Variants in GRM8 observed in about 807,000 individuals in gnomAD.
GRM8 encodes the protein glutamate metabotropic receptor 8.
Under a neutral mutation model 87.2 loss-of-function variants are expected in GRM8, and 47 were observed. The observed-to-expected ratio is 0.54, with a 90% CI of 0.43 to 0.69. The LOEUF is 0.69. GRM8 is among the 30% of genes least tolerant of loss of function. The probability of loss-of-function intolerance (pLI) is 0.00; values close to 1 mark genes in which losing one functional copy is unlikely to be tolerated. For synonymous variants in GRM8, 396 were observed against 404.5 expected (o/e 0.98, Z 0.25); for missense variants, 1,019 against 1,139.2 (o/e 0.89, Z 1.52).
intron 8 of GRM8, among the ~76,000 whole-genome samples, chr7:126,586,052 G>C (rs1796089208): frequency 6.6e-6 from 1 of 152,030 alleles, no homozygotes; most frequent in African/African-American, 2.4e-5. Flanking sequence ...CAAACAGAGA[G>C]CCAAATCATG....
chr7:126,754,961 A>T (rs1452499108), intron 7 of GRM8, among the ~76,000 whole-genome samples: 1 of 151,886 alleles, frequency 6.6e-6, no homozygotes, highest in East Asian at 1.9e-4. Flanking sequence ...AAAAGAAAAA[A>T]AAAATCCAAC....
chr7:127,128,565 T>C (rs904034757), intron 2 of GRM8, among the ~76,000 whole-genome samples: 1 of 152,184 alleles, frequency 6.6e-6, no homozygotes, highest in Non-Finnish European at 1.5e-5. Flanking sequence ...GTAATACTAA[T>C]TATTGTAAAC....
intron 3 of GRM8, among the ~76,000 whole-genome samples, chr7:126,992,810 T>G (rs1000893025): frequency 6.7e-6 from 1 of 149,746 alleles, no homozygotes; most frequent in Non-Finnish European, 1.5e-5. Context: ...TCTCTCCGTG[T>G]GTGTGTGTGT....
At chr7:126,910,460 T>C (rs576293128) in intron 3 of GRM8, among the ~76,000 whole-genome samples, 3 of 152,164 alleles carry the variant, frequency 2.0e-5, no homozygotes, top group East Asian at 3.9e-4. Flanking sequence ...GATAGAGAAA[T>C]ACAAATGAGA....
intron 2 of GRM8, among the ~76,000 whole-genome samples, chr7:127,202,192 GA>G (rs11356627): frequency 1 from 149,559 of 149,810 alleles, 74,654 homozygotes; most frequent in Middle Eastern, 1. Context: ...TGTCAAAAAA[GA>G]AAAAAAAAAA....
chr7:126,763,902 G>GT (rs941269061), intron 7 of GRM8, among the ~76,000 whole-genome samples: 91 of 151,488 alleles, frequency 6.0e-4, no homozygotes, highest in African/African-American at 2.1e-3. Flanking sequence ...ATGTCTCTCC[G>GT]TTTTTTCAAA....
Position 126,533,712 on chromosome 7 carries a change from G to A in GRM8, c.1670C>T (p.Pro557Leu). The A allele has an allele frequency of 6.2e-7, 1 of 1,614,108 alleles. No individual in the cohort carries two copies. Among genetic ancestry groups the A allele is most frequent in the Non-Finnish European group, 8.5e-7 (1 of 1,180,004 alleles). ...QVDELSCELC[P>L]LDQRPNMNRT... ...GTTCATGTTGGGTCTCTGATCCAGAGGGCAAAGTTCACAGGACAGCTCATC... is the reference window on the plus strand; with the variant it reads ...GTTCATGTTGGGTCTCTGATCCAGAAGGCAAAGTTCACAGGACAGCTCATC... The change falls in exon 9 of 11, where the codon CCT (proline) becomes CTT (leucine). Residue 557 changes from proline to leucine, a missense_variant. By Grantham distance (98) the Pro-to-Leu change is moderately conservative (BLOSUM62 -3). Transcript: ENST00000339582.
chr7:126,830,759 T>A (rs1253505641), intron 6 of GRM8, among the ~76,000 whole-genome samples: 19 of 152,230 alleles, frequency 1.2e-4, no homozygotes, highest in Admixed American at 1.2e-3. Flanking sequence ...ACTGCGTTCC[T>A]TTGGAGGAGG....
At chr7:126,606,380 G>A (rs183725571) in intron 8 of GRM8, among the ~76,000 whole-genome samples, 2 of 152,146 alleles carry the variant, frequency 1.3e-5, no homozygotes, top group African/African-American at 4.8e-5. Flanking sequence ...TGGGCAAAGG[G>A]CTTTGTTGTA....
At chr7:126,448,291 T>TG (rs1802243790) in intron 9 of GRM8, among the ~76,000 whole-genome samples, 1 of 151,896 alleles carries the variant, frequency 6.6e-6, no homozygotes, top group Non-Finnish European at 1.5e-5. Flanking sequence ...CATAAAATGA[T>TG]GGGAACATCT....
intron 8 of GRM8, among the ~76,000 whole-genome samples, chr7:126,574,827 T>A (rs541116427): frequency 6.6e-6 from 1 of 152,278 alleles, no homozygotes; most frequent in South Asian, 2.1e-4. Context: ...CTACATCTAC[T>A]ATCTGATACC....
chr7:126,991,856 A>G (rs1812690429), intron 3 of GRM8, among the ~76,000 whole-genome samples: 1 of 152,210 alleles, frequency 6.6e-6, no homozygotes, highest in Non-Finnish European at 1.5e-5. Flanking sequence ...CCCTTCCCCA[A>G]GAAAAATTAA....
At chr7:126,982,452 T>C (rs765072730) in intron 3 of GRM8, among the ~76,000 whole-genome samples, 80 of 152,192 alleles carry the variant, frequency 5.3e-4, no homozygotes, top group Non-Finnish European at 1.0e-3. Context: ...AGATCATACA[T>C]AATCTTCAAA....
At chr7:126,628,587 T>A (rs1037379518) in intron 7 of GRM8, among the ~76,000 whole-genome samples, 3 of 152,172 alleles carry the variant, frequency 2.0e-5, no homozygotes, top group South Asian at 2.1e-4. Context: ...AAAGTAAGTA[T>A]ACAAAATACA....
chr7:126,598,429 C>T (rs566506056), intron 8 of GRM8, among the ~76,000 whole-genome samples: 6 of 152,148 alleles, frequency 3.9e-5, no homozygotes, highest in African/African-American at 1.2e-4. Flanking sequence ...GATTACTTCA[C>T]CTACTCTACT....
intron 7 of GRM8, among the ~76,000 whole-genome samples, chr7:126,763,442 C>CATATAT (rs750564318): frequency 2.7e-3 from 318 of 119,776 alleles, no homozygotes; most frequent in African/African-American, 4.9e-3. Context: ...ATGATAAATT[C>CATATAT]ATATATATAT....
chr7:126,452,836 A>T (rs1584656768), intron 9 of GRM8, among the ~76,000 whole-genome samples: 2 of 151,666 alleles, frequency 1.3e-5, no homozygotes, highest in East Asian at 3.9e-4. Context: ...AGGGTCAGGC[A>T]CTCACATTAC....
intron 2 of GRM8, 90 bp downstream of exon 2, chr7:127,242,605 C>T: frequency 7.8e-7 from 1 of 1,277,702 alleles, no homozygotes; most frequent in Non-Finnish European, 1.1e-6. Context: ...AGCACCTTCA[C>T]CATCTTCACT....
intron 3 of GRM8, among the ~76,000 whole-genome samples, chr7:127,050,137 AG>A (rs1819324685): frequency 6.6e-6 from 1 of 152,218 alleles, no homozygotes. Flanking sequence ...ATGGACTGGA[AG>A]GGAACAAGAA....
Sources: gnomAD v4.1 joint callset for allele counts (sites outside exome capture counted in the v4.1 genomes callset) on GRCh38, gnomAD v4.1.1 for gene constraint, MANE v1.5 for transcripts, NCBI Gene and HGNC (gene_info 2026-07-23, HGNC 2026-07-21) for gene names.